The following ANO4 variants were observed in gnomAD, a reference collection of about 807,000 sequenced individuals.
The protein encoded by ANO4 is anoctamin-4.
In ANO4, 69 loss-of-function variants were observed where a neutral mutation model predicts 141.9. The observed-to-expected ratio is 0.49, with a 90% CI of 0.40 to 0.59. The LOEUF (loss-of-function observed/expected upper bound fraction) is 0.59. Ranked by LOEUF, ANO4 falls within the 20% of genes least tolerant of loss-of-function variation. ANO4 has a pLI of 0.00. For missense variants in ANO4, 894 were observed against 1,162.2 expected, an observed-to-expected ratio of 0.77 and a Z score of 3.36; for synonymous variants, 350 against 394.3, an observed-to-expected ratio of 0.89 and a Z score of 1.33.
chr12:101,096,763 G>A, intron 19 of ANO4, 116 bp downstream of exon 19: 1 of 755,946 alleles, frequency 1.3e-6, no homozygotes, highest in Non-Finnish European at 2.2e-6. Flanking sequence ...GTGTAAAAAG[G>A]GAAGAGCATC....
At chr12:100,798,868 T>C (rs2034509623) in intron 1 of ANO4, among the ~76,000 whole-genome samples, 1 of 152,232 alleles carries the variant, frequency 6.6e-6, no homozygotes, top group Non-Finnish European at 1.5e-5. Context: ...AACCCTTAAT[T>C]AGGCATCTGC....
intron 1 of ANO4, among the ~76,000 whole-genome samples, chr12:100,796,693 T>A (rs2034346040): frequency 6.6e-6 from 1 of 152,102 alleles, no homozygotes; most frequent in Non-Finnish European, 1.5e-5. Context: ...GCTGTTCTAA[T>A]ATCCACTCTT....
chr12:100,751,922 G>A (rs769785632), intron 3 of ANO4, among the ~76,000 whole-genome samples: 37 of 152,184 alleles, frequency 2.4e-4, no homozygotes, highest in Non-Finnish European at 4.7e-4. Context: ...GTTGGAGCTG[G>A]TGAAGATATA....
At chr12:100,756,798 C>G (rs1415268526) in intron 3 of ANO4, among the ~76,000 whole-genome samples, 1 of 152,154 alleles carries the variant, frequency 6.6e-6, no homozygotes, top group Non-Finnish European at 1.5e-5. Flanking sequence ...CTTCATGTCA[C>G]TTAAATGTCA....
chr12:101,087,722 A>C (rs911628802), intron 17 of ANO4, among the ~76,000 whole-genome samples: 1 of 151,982 alleles, frequency 6.6e-6, no homozygotes, highest in African/African-American at 2.4e-5. Context: ...TTTCAAACCC[A>C]ACTCCTCATC....
At chr12:100,846,660 G>T (rs1453135010) in intron 1 of ANO4, among the ~76,000 whole-genome samples, 1 of 152,114 alleles carries the variant, frequency 6.6e-6, no homozygotes, top group Non-Finnish European at 1.5e-5. Flanking sequence ...TGGGACAAAA[G>T]TACTCATCTC....
At chr12:101,016,119 T>C (rs2046305874) in intron 8 of ANO4, among the ~76,000 whole-genome samples, 1 of 152,154 alleles carries the variant, frequency 6.6e-6, no homozygotes, top group Non-Finnish European at 1.5e-5. Flanking sequence ...TTTAGTTTCA[T>C]AGCCCCTGTG....
intron 1 of ANO4, among the ~76,000 whole-genome samples, chr12:100,797,252 A>C (rs905756991): frequency 6.7e-6 from 1 of 149,988 alleles, no homozygotes; most frequent in Non-Finnish European, 1.5e-5. Context: ...CAGAAGGAAA[A>C]TTCCTCAGAT....
chr12:101,064,291 T>A (rs2048480202), intron 14 of ANO4, among the ~76,000 whole-genome samples: 1 of 152,214 alleles, frequency 6.6e-6, no homozygotes, highest in Non-Finnish European at 1.5e-5. Context: ...AGCGTATTGT[T>A]TAATTACCAA....
At chr12:100,770,888 C>T (rs1259092131) in intron 3 of ANO4, among the ~76,000 whole-genome samples, 1 of 150,666 alleles carries the variant, frequency 6.6e-6, no homozygotes, top group African/African-American at 2.4e-5. Flanking sequence ...AGAAATAGCA[C>T]AGTGTTTAGC....
chr12:101,005,842 ATTACTTTTTTCTC>A (rs927774514), intron 8 of ANO4, among the ~76,000 whole-genome samples: 1 of 152,100 alleles, frequency 6.6e-6, no homozygotes, highest in African/African-American at 2.4e-5. Flanking sequence ...ATTCTAGGAT[ATTACTTTTTTCTC>A]TTACTTTTTT....
intron 5 of ANO4, among the ~76,000 whole-genome samples, chr12:100,944,715 G>A (rs2042655039): frequency 6.6e-6 from 1 of 152,064 alleles, no homozygotes; most frequent in Non-Finnish European, 1.5e-5. Context: ...CATCTTCGTG[G>A]ACTCAGTCAG....
At chr12:100,728,167 T>A (rs1182574893) in intron 1 of ANO4, among the ~76,000 whole-genome samples, 4 of 152,220 alleles carry the variant, frequency 2.6e-5, no homozygotes, top group African/African-American at 9.6e-5. Context: ...AAATAGGCAC[T>A]GTGTTTTCTT....
chr12:100,896,375 A>G (rs2040354538), intron 1 of ANO4, among the ~76,000 whole-genome samples: 1 of 151,582 alleles, frequency 6.6e-6, no homozygotes, highest in Non-Finnish European at 1.5e-5. Context: ...TGTTGTCACA[A>G]GGCGAGGAAC....
At chr12:100,760,741 T>C (rs1036047594) in intron 3 of ANO4, among the ~76,000 whole-genome samples, 24 of 152,214 alleles carry the variant, frequency 1.6e-4, no homozygotes, top group African/African-American at 2.4e-5. Context: ...TCTTCTGTTC[T>C]GCAGGCTTGG....
chr12:100,876,296 A>AAAAAC (rs398020838), intron 1 of ANO4, among the ~76,000 whole-genome samples: 3 of 150,372 alleles, frequency 2.0e-5, no homozygotes, highest in Non-Finnish European at 3.0e-5. Flanking sequence ...AAAAAAAAAA[A>AAAAAC]CAGTGGGAAT....
intron 8 of ANO4, among the ~76,000 whole-genome samples, chr12:100,999,201 G>A (rs1452883330): frequency 6.6e-6 from 1 of 152,216 alleles, no homozygotes; most frequent in African/African-American, 2.4e-5. Context: ...GTGACACTGA[G>A]CTAATTAAGG....
chr12:100,727,094 G>T lies in ANO4; in HGVS notation c.23-6680G>T, dbSNP rs1027092719. Reference sequence around the variant, plus strand: ...AGATTTGCTTTATGGTCTAAAGTATGGTCAAGTTTTATAATACTTCACCAT... The same window carrying T: ...AGATTTGCTTTATGGTCTAAAGTATTGTCAAGTTTTATAATACTTCACCAT... On this transcript the variant is annotated intron_variant, in intron 1 of 29. Transcript: ENST00000644049. Among the ~76,000 whole-genome samples, 10 of 151,862 alleles carry T rather than the reference G, an allele frequency of 6.6e-5. No individual in the cohort carries two copies. In the South Asian group the frequency reaches 2.1e-3, roughly 32 times the overall value.
At chr12:101,060,302 A>G (rs1593157179) in intron 14 of ANO4, among the ~76,000 whole-genome samples, 1 of 152,170 alleles carries the variant, frequency 6.6e-6, no homozygotes, top group Non-Finnish European at 1.5e-5. Flanking sequence ...ACTTCCAATT[A>G]TGTGGTCAAT....
Sources: gnomAD v4.1 joint callset for allele counts (sites outside exome capture counted in the v4.1 genomes callset) on GRCh38, gnomAD v4.1.1 for gene constraint, MANE v1.5 for transcripts, NCBI Gene and HGNC (gene_info 2026-07-23, HGNC 2026-07-21) for gene names.